Variants in ITGB8 observed in about 807,000 individuals in gnomAD.
ITGB8 encodes the protein integrin beta-8.
A neutral mutation model predicts 89.5 loss-of-function variants in ITGB8; 30 were observed. The observed-to-expected ratio is 0.34, with a 90% CI of 0.25 to 0.45. The LOEUF (loss-of-function observed/expected upper bound fraction) is 0.45, where lower values mean the gene tolerates loss of function less well. Ranked by LOEUF, ITGB8 falls within the 20% of genes least tolerant of loss-of-function variation. The probability of loss-of-function intolerance (pLI) is 1.00; values close to 1 mark genes in which losing one functional copy is unlikely to be tolerated. For synonymous variants in ITGB8, 335 were observed against 320.4 expected (o/e 1.05, Z -0.49); for missense variants, 836 against 933.3 (o/e 0.90, Z 1.36).
chr7:20,346,735 G>T lies in ITGB8; in HGVS notation c.127+14802G>T, dbSNP rs796524241. ...TTGACTCCAGATGATTAAAGTGATT[G>T]CCTGAGAAGTATATAACACCTGACG... On this transcript the variant is annotated intron_variant, in intron 1 of 13. Transcript: ENST00000222573. 71 of 985,260 alleles carry T rather than the reference G, an allele frequency of 7.2e-5. No individual in the cohort carries two copies. In the African/African-American group the frequency reaches 1.1e-3, roughly 16 times the overall value. 61.0% of individuals were successfully genotyped at this position (985,260 alleles called of 1,614,324 possible).
At chr7:20,340,596 G>T (rs1784725363) in intron 1 of ITGB8, among the ~76,000 whole-genome samples, 1 of 152,206 alleles carries the variant, frequency 6.6e-6, no homozygotes, top group African/African-American at 2.4e-5. Context: ...TGAAGCCACA[G>T]TTAAAAGTAC....
chr7:20,380,499 C>A, intron 4 of ITGB8, 167 bp from the exon 5 acceptor site: 1 of 588,770 alleles, frequency 1.7e-6, no homozygotes, highest in Non-Finnish European at 3.0e-6. Flanking sequence ...TTGTCATCAG[C>A]ATTGAGCTTA....
intron 1 of ITGB8, among the ~76,000 whole-genome samples, chr7:20,335,244 G>A (rs1307651153): frequency 2.0e-5 from 3 of 152,168 alleles, no homozygotes; most frequent in Non-Finnish European, 4.4e-5. Flanking sequence ...CAACAAGAAT[G>A]TTCACAATTT....
chr7:20,366,883 T>G (rs889539657), intron 2 of ITGB8, 129 bp from the exon 3 acceptor site: 8 of 612,120 alleles, frequency 1.3e-5, no homozygotes, highest in Non-Finnish European at 2.2e-5. Context: ...GTAGAAATAG[T>G]AAAAACATAA....
chr7:20,391,537 C>A (rs750595906), intron 7 of ITGB8, 39 bp downstream of exon 7: 1 of 1,096,116 alleles, frequency 9.1e-7, no homozygotes, highest in Non-Finnish European at 1.3e-6. Flanking sequence ...AAATTTTTTT[C>A]ATTGGTAATT....
intron 1 of ITGB8, among the ~76,000 whole-genome samples, chr7:20,354,310 G>A (rs1053570309): frequency 4.6e-5 from 7 of 152,136 alleles, no homozygotes; most frequent in African/African-American, 1.7e-4. Flanking sequence ...AAACAAACAT[G>A]AAGAAATATA....
intron 6 of ITGB8, among the ~76,000 whole-genome samples, chr7:20,390,098 A>T (rs753864982): frequency 6.6e-6 from 1 of 152,174 alleles, no homozygotes; most frequent in African/African-American, 2.4e-5. Flanking sequence ...AAGTTCACAT[A>T]GTTGTCACAA....
chr7:20,410,465 G>A lies in ITGB8; in HGVS notation c.*468G>A, dbSNP rs143705434. On this transcript the variant is annotated 3_prime_UTR_variant, in exon 14 of 14. Transcript: ENST00000222573. ...TTGCCAAACACTTCAACAGTTGGTG[G>A]TTGAATAGACAAGAACAGCTAGATG... 252 of 155,292 alleles carry A rather than the reference G, an allele frequency of 1.6e-3. No homozygotes were observed. Among genetic ancestry groups the A allele is most frequent in the African/African-American group, 5.9e-3 (244 of 41,606 alleles). 9.6% of individuals were successfully genotyped at this position (155,292 alleles called of 1,614,324 possible). A position where few individuals can be genotyped will look rare whatever the true frequency, so the allele number is the denominator to read the frequency against.
At chr7:20,334,157 G>A (rs1784501646) in intron 1 of ITGB8, among the ~76,000 whole-genome samples, 1 of 152,108 alleles carries the variant, frequency 6.6e-6, no homozygotes, top group African/African-American at 2.4e-5. Context: ...AGTGGGGGAT[G>A]TTATTAATCA....
intron 3 of ITGB8, among the ~76,000 whole-genome samples, chr7:20,378,494 T>C (rs574766623): frequency 2.8e-3 from 422 of 152,346 alleles, no homozygotes; most frequent in Non-Finnish European, 4.6e-3. Flanking sequence ...GAGGTACTAA[T>C]TATTTTGAAT....
At chr7:20,394,813 C>G (rs557444824) in intron 7 of ITGB8, 83 bp from the exon 8 acceptor site, 1 of 962,314 alleles carries the variant, frequency 1.0e-6, no homozygotes, top group South Asian at 1.3e-5. Flanking sequence ...CAACTGATAA[C>G]TACAAAAATA....
In ITGB8 at chr7:20,412,223, C is replaced by T. The variant is rs1787788019; in HGVS notation, c.*2226C>T. ...TACAGCCAAGCACTTTCAATGCTAA[C>T]TTGAACTGCATTTCCTTCCTCAAAT... On this transcript the variant is annotated 3_prime_UTR_variant, in exon 14 of 14. Transcript: ENST00000222573. The T allele has an allele frequency of 6.6e-6, 1 of 152,614 alleles. No homozygotes were observed. Among genetic ancestry groups the T allele is most frequent in the Non-Finnish European group, 1.5e-5 (1 of 68,028 alleles). 9.5% of individuals were successfully genotyped at this position (152,614 alleles called of 1,614,324 possible).
In ITGB8 at chr7:20,412,299, G is replaced by C. The variant is rs991184104; in HGVS notation, c.*2302G>C. On this transcript the variant is annotated 3_prime_UTR_variant, in exon 14 of 14. Transcript: ENST00000222573. ...TGAGTCACTTGTATAAGAAACCTTT[G>C]ATCACTAAAAATAATGTAAAAATTG... 2 of 152,534 alleles carry C rather than the reference G, an allele frequency of 1.3e-5. No individual in the cohort carries two copies. Among genetic ancestry groups the C allele is most frequent in the African/African-American group, 4.8e-5 (2 of 41,442 alleles). 9.4% of individuals were successfully genotyped at this position (152,534 alleles called of 1,614,324 possible).
chr7:20,334,127 A>G (rs1179439604), intron 1 of ITGB8, among the ~76,000 whole-genome samples: 1 of 152,192 alleles, frequency 6.6e-6, no homozygotes, highest in Non-Finnish European at 1.5e-5. Flanking sequence ...TGGACTTTTA[A>G]TAACAAATAT....
At chr7:20,380,522 T>C (rs564451458) in intron 4 of ITGB8, 144 bp from the exon 5 acceptor site, 12 of 633,966 alleles carry the variant, frequency 1.9e-5, no homozygotes, top group African/African-American at 1.8e-4. Flanking sequence ...TCTAATTTTA[T>C]AAGCATAGAT....
Position 20,397,933 on chromosome 7 carries a change from G to T in ITGB8, c.1147-927G>T, listed in dbSNP as rs1787154819. Among the ~76,000 whole-genome samples the T allele has an allele frequency of 2.0e-5, 3 of 151,886 alleles. No homozygotes were observed. The South Asian group carries it at 6.3e-4, about 32-fold the overall frequency. On this transcript the variant is annotated intron_variant, in intron 8 of 13. Coordinates refer to ENST00000222573, the MANE Select transcript of ITGB8 (RefSeq NM_002214.3). ...CCCGCTGCTCACTCTCTTTCTTTAG[G>T]CACATACTTCGTTTTTCCTTTTTTT...
chr7:20,413,742 G>C lies in ITGB8; in HGVS notation c.*3745G>C, dbSNP rs1163185315. Reference sequence around the variant, plus strand: ...GAATTCTAAATTTTCACAACTGTTTGAGCTTCTTTTCATTTTGAAGGATTT... The same window carrying C: ...GAATTCTAAATTTTCACAACTGTTTCAGCTTCTTTTCATTTTGAAGGATTT... On this transcript the variant is annotated 3_prime_UTR_variant, in exon 14 of 14. Transcript: ENST00000222573. 2.0e-5 allele frequency: 3 copies of C among 151,942 alleles called. No homozygotes were observed. Among genetic ancestry groups the C allele is most frequent in the Non-Finnish European group, 2.9e-5 (2 of 67,906 alleles). 9.4% of individuals were successfully genotyped at this position (151,942 alleles called of 1,614,324 possible). A position where few individuals can be genotyped will look rare whatever the true frequency, so the allele number is the denominator to read the frequency against.
rs764206712 is a variant in ITGB8, at chr7:20,380,377, G to A, written c.636-289G>A. 1.1e-4 allele frequency: 30 copies of A among 280,372 alleles called. 1 individual carries two copies. In the South Asian group the frequency reaches 1.1e-3, roughly 10 times the overall value. 17.4% of individuals were successfully genotyped at this position (280,372 alleles called of 1,614,324 possible). A position where few individuals can be genotyped will look rare whatever the true frequency, so the allele number is the denominator to read the frequency against. On this transcript the variant is annotated intron_variant, in intron 4 of 13. Transcript: ENST00000222573. ...TATATTCACCTTAAAAATTCACAGCGCAGATTAAATATTGAAAGCCTTTAA... is the reference window on the plus strand; with the variant it reads ...TATATTCACCTTAAAAATTCACAGCACAGATTAAATATTGAAAGCCTTTAA...
chr7:20,414,058 A>G lies in ITGB8; in HGVS notation c.*4061A>G, dbSNP rs770608682. 2 of 152,064 alleles carry G rather than the reference A, an allele frequency of 1.3e-5. No individual in the cohort carries two copies. The highest frequency in any genetic ancestry group is 2.9e-5 in the Non-Finnish European group (2 of 67,976). The allele number at this position is 152,064 out of a possible 1,614,324, so 9.4% of individuals were successfully genotyped here. A position where few individuals can be genotyped will look rare whatever the true frequency, so the allele number is the denominator to read the frequency against. Reference sequence around the variant, plus strand: ...TTGATTCCAAGACATCACTTTTTCAATTTAACATCTCTGAAATTGTGACAT... The same window carrying G: ...TTGATTCCAAGACATCACTTTTTCAGTTTAACATCTCTGAAATTGTGACAT... On this transcript the variant is annotated 3_prime_UTR_variant, in exon 14 of 14. Coordinates refer to ENST00000222573, the MANE Select transcript of ITGB8 (RefSeq NM_002214.3).
Sources: gnomAD v4.1 joint callset for allele counts (sites outside exome capture counted in the v4.1 genomes callset) on GRCh38, gnomAD v4.1.1 for gene constraint, MANE v1.5 for transcripts, NCBI Gene and HGNC (gene_info 2026-07-23, HGNC 2026-07-21) for gene names.